The following HOXA10 variants were observed in gnomAD, a reference collection of about 807,000 sequenced individuals.
The protein encoded by HOXA10 is homeobox protein Hox-A10.
HOXA10 carries 12 observed loss-of-function variants against 29.7 expected under a neutral mutation model. That is an observed-to-expected ratio of 0.40 (90% CI 0.26 to 0.65). HOXA10 has a LOEUF of 0.65. Among genes scored for constraint, HOXA10 ranks in the 30% least tolerant of loss-of-function variants. The pLI is 0.37. For synonymous variants in HOXA10, 327 were observed against 280.7 expected (o/e 1.16, Z -1.65); for missense variants, 656 against 585.9 (o/e 1.12, Z -1.24).
Position 27,171,030 on chromosome 7 carries a change from T to C in HOXA10, c.*869A>G. On this transcript the variant is annotated 3_prime_UTR_variant, in exon 2 of 2. Coordinates refer to ENST00000283921, the MANE Select transcript of HOXA10 (RefSeq NM_018951.4). The stretch of plus-strand genomic sequence containing the variant: ...TCACAAGATAGGGAGAATTGTGGTG[T>C]GCTTGTCACATGTTACCAGTGGTAA... The C allele has an allele frequency of 2.2e-6, 1 of 453,352 alleles. No homozygotes were observed. Among genetic ancestry groups the C allele is most frequent in the Non-Finnish European group, 4.4e-6 (1 of 226,584 alleles). The allele number at this position is 453,352 out of a possible 1,614,324, so 28.1% of individuals were successfully genotyped here.
chr7:27,173,227 C>T, intron 1 of HOXA10, 122 bp downstream of exon 1: 1 of 1,482,842 alleles, frequency 6.7e-7, no homozygotes, highest in South Asian at 1.2e-5. Flanking sequence ...ACAAGGTCAG[C>T]CTGCCTGCAG....
At position 27,174,256 on chromosome 7, in the gene HOXA10, T is replaced by G; in HGVS notation, c.51A>C (p.Thr17=). ...CGGCGGGGCTCTCCGAGCATGACAT[T>G]GTTGTGGGATAATTTGGCGAAGGGA... ...YLLPSPNYPT[T]MSCSESPAAN... is the part of the protein sequence containing the mutation. The change falls in exon 1 of 2, where the codon ACA becomes ACC. Residue 17 remains threonine, a synonymous_variant. Coordinates refer to ENST00000283921, the MANE Select transcript of HOXA10 (RefSeq NM_018951.4). 1 of 1,599,434 alleles carries G rather than the reference T, an allele frequency of 6.3e-7. No individual in the cohort carries two copies. The highest frequency in any genetic ancestry group is 8.5e-7 in the Non-Finnish European group (1 of 1,179,796).
In HOXA10 at chr7:27,171,408, T is replaced by C. The variant is rs1783481677; in HGVS notation, c.*491A>G. On this transcript the variant is annotated 3_prime_UTR_variant, in exon 2 of 2. Transcript: ENST00000283921. Reference sequence around the variant, plus strand: ...AAGAAAAAAGAAACCCAGGGGCCTGTATCCCCTGATTAAACACAGCACAGC... The same window carrying C: ...AAGAAAAAAGAAACCCAGGGGCCTGCATCCCCTGATTAAACACAGCACAGC... 1 of 455,124 alleles carries C rather than the reference T, an allele frequency of 2.2e-6. No individual in the cohort carries two copies. Among genetic ancestry groups the C allele is most frequent in the South Asian group, 1.6e-5 (1 of 64,496 alleles). 28.2% of individuals were successfully genotyped at this position (455,124 alleles called of 1,614,324 possible).
At chr7:27,174,610 C>T, upstream of HOXA10, 1 of 464,700 alleles carries the variant, frequency 2.2e-6, no homozygotes, top group Non-Finnish European at 3.8e-6. Context: ...ACGTGAGCCC[C>T]ATACCGGGGT....
intron 1 of HOXA10, chr7:27,179,522 G>A: frequency 4.2e-6 from 3 of 707,344 alleles, no homozygotes; most frequent in Middle Eastern, 2.3e-4. Context: ...GAGCAATGGG[G>A]TGGGGGCTCC....
upstream of HOXA10, among the ~76,000 whole-genome samples, chr7:27,175,487 C>T (rs1268950272): frequency 2.0e-5 from 3 of 152,172 alleles, no homozygotes; most frequent in African/African-American, 7.2e-5. Context: ...TGAGGAAATC[C>T]TTTCCCTGCA....
At chr7:27,175,753 G>T (rs548345802), upstream of HOXA10, among the ~76,000 whole-genome samples, 4 of 152,316 alleles carry the variant, frequency 2.6e-5, no homozygotes, top group African/African-American at 9.6e-5. Flanking sequence ...CCGCCCCTCC[G>T]GCCCCAGTCG....
Position 27,171,366 on chromosome 7 carries a change from C to CAAGGAAGA in HOXA10, c.*525_*532dup. 1 of 454,464 alleles carries CAAGGAAGA rather than the reference C, an allele frequency of 2.2e-6. No homozygotes were observed. Among genetic ancestry groups the CAAGGAAGA allele is most frequent in the Non-Finnish European group, 4.4e-6 (1 of 226,886 alleles). 28.2% of individuals were successfully genotyped at this position (454,464 alleles called of 1,614,324 possible). A position where few individuals can be genotyped will look rare whatever the true frequency, so the allele number is the denominator to read the frequency against. ...CATGCCTGTAAGCCCTTCTCTTGGC[C>CAAGGAAGA]AAGGAAGAAAGGAAGAAAGAAAAAA... On this transcript the variant is annotated 3_prime_UTR_variant, in exon 2 of 2. Coordinates refer to ENST00000283921, the MANE Select transcript of HOXA10 (RefSeq NM_018951.4).
chr7:27,172,158 T>C lies in HOXA10; in HGVS notation c.974A>G (p.Glu325Gly), dbSNP rs535991286. The C allele has an allele frequency of 6.2e-7, 1 of 1,613,842 alleles. No individual in the cohort carries two copies. The highest frequency in any genetic ancestry group is 8.5e-7 in the Non-Finnish European group (1 of 1,179,984). ...EKDSLGNSKG[E>G]NAANWLTAKS... ...TGCCGTGAGCCAGTTGGCTGCGTTT[T>C]CACCTTTGGAATTGCCTGGCATGTA... The change falls in exon 2 of 2, where the codon GAA becomes GGA. Residue 325 changes from glutamate to glycine, a missense_variant. Around this residue, in one of 2 missense-constraint regions of HOXA10, gnomAD observed 594 missense variants for 491.9 expected, o/e 1.21. Transcript: ENST00000283921.
upstream of HOXA10, among the ~76,000 whole-genome samples, chr7:27,178,667 A>G (rs560652535): frequency 9.8e-5 from 15 of 152,366 alleles, no homozygotes; most frequent in African/African-American, 2.9e-4. Flanking sequence ...CCAGCCTTCA[A>G]CAAAGACTAG....
upstream of HOXA10, among the ~76,000 whole-genome samples, chr7:27,175,457 G>A (rs1056327301): frequency 6.6e-6 from 1 of 152,182 alleles, no homozygotes; most frequent in Non-Finnish European, 1.5e-5. Flanking sequence ...TGCAGTGTGT[G>A]CATTTTAACG....
Position 27,173,362 on chromosome 7 carries a change from C to T in HOXA10, c.945G>A (p.Glu315=), listed in dbSNP as rs534606557. 1.2e-6 allele frequency: 2 copies of T among 1,612,150 alleles called. No homozygotes were observed. The highest frequency in any genetic ancestry group is 1.7e-5 in the Admixed American group (1 of 60,006). ...AGCCCTGCTTACCCAGGGAATCCTT[C>T]TCCGGCGAGGCTTTGCTGCTCTCGG... is the stretch of plus-strand genomic sequence containing the variant. ...APSESSKASP[E]KDSLGNSKGE... Residue 315 remains glutamate (E), a synonymous_variant, in exon 1 of 2, where the codon GAG becomes GAA. Transcript: ENST00000283921.
In HOXA10 at chr7:27,171,807, C is replaced by T. The variant is rs1783497376; in HGVS notation, c.*92G>A. On this transcript the variant is annotated 3_prime_UTR_variant, in exon 2 of 2. Transcript: ENST00000283921. ...AGTGTGGGAGGGAGGAACAGGGCTC[C>T]AGCACAGGTGCGAGTTCCTGGGCAG... The T allele has an allele frequency of 2.3e-6, 3 of 1,305,486 alleles. No individual in the cohort carries two copies. The highest frequency in any genetic ancestry group is 1.5e-5 in the African/African-American group (1 of 68,866). 80.9% of individuals were successfully genotyped at this position (1,305,486 alleles called of 1,614,324 possible). A position where few individuals can be genotyped will look rare whatever the true frequency, so the allele number is the denominator to read the frequency against.
At position 27,173,448 on chromosome 7, in the gene HOXA10, GC is replaced by G; in HGVS notation, c.858del (p.Gln287ArgfsTer81). ...GACGCGTGCGCCTCCTCGTCGCCCT[GC>G]GAGCCCCCGCCGCTGCCGCAAGCCA... ...PTLACGSGGG[S>X]QGDEEAHASS... On this transcript the variant is annotated frameshift_variant, in exon 1 of 2. Coordinates refer to ENST00000283921, the MANE Select transcript of HOXA10 (RefSeq NM_018951.4). LOFTEE classifies it high-confidence loss of function. 6.5e-7 allele frequency: 1 copy of G among 1,530,334 alleles called. No individual in the cohort carries two copies. Among genetic ancestry groups the G allele is most frequent in the Non-Finnish European group, 8.8e-7 (1 of 1,141,264 alleles). The allele number at this position is 1,530,334 out of a possible 1,614,324, so 94.8% of individuals were successfully genotyped here.
Position 27,170,810 on chromosome 7 carries a change from G to GT in HOXA10, c.*1088dup, listed in dbSNP as rs397977560. 5 of 341,816 alleles carry GT rather than the reference G, an allele frequency of 1.5e-5. No homozygotes were observed. Among genetic ancestry groups the GT allele is most frequent in the African/African-American group, 1.4e-4 (2 of 14,046 alleles). The allele number at this position is 341,816 out of a possible 1,614,324, so 21.2% of individuals were successfully genotyped here. A position where few individuals can be genotyped will look rare whatever the true frequency, so the allele number is the denominator to read the frequency against. ...ACATTTATACAGATTTGTATTTATA[G>GT]TTTTTTTCTTTTTCTGCATCTACAG... On this transcript the variant is annotated 3_prime_UTR_variant, in exon 2 of 2. Coordinates refer to ENST00000283921, the MANE Select transcript of HOXA10 (RefSeq NM_018951.4).
rs746226210 is a variant in HOXA10, at chr7:27,172,034, G to A, written c.1098C>T (p.Arg366=). ...GGTGGACGCTGCGGCTAATCTCTAGGCGCCGCTCTCGAGTAAGGTACATAT... is the reference window on the plus strand; with the variant it reads ...GGTGGACGCTGCGGCTAATCTCTAGACGCCGCTCTCGAGTAAGGTACATAT... ...LFNMYLTRER[R]LEISRSVHLT... is the part of the protein sequence containing the mutation. The change falls in exon 2 of 2, where the codon CGC becomes CGT. Residue 366 remains arginine (R), a synonymous_variant. Transcript: ENST00000283921. The A allele has an allele frequency of 6.2e-7, 1 of 1,613,966 alleles. No homozygotes were observed. Among genetic ancestry groups the A allele is most frequent in the Non-Finnish European group, 8.5e-7 (1 of 1,179,944 alleles).
upstream of HOXA10, among the ~76,000 whole-genome samples, chr7:27,176,140 A>AAG (rs959938389): frequency 5.3e-5 from 8 of 152,306 alleles, no homozygotes; most frequent in African/African-American, 1.9e-4. Context: ...TGGAGAGAAA[A>AAG]AGAGAGAGAT....
At chr7:27,172,339 G>A (rs994756326) in intron 1 of HOXA10, 166 bp from the exon 2 acceptor site, 17 of 668,284 alleles carry the variant, frequency 2.5e-5, no homozygotes, top group Non-Finnish European at 4.2e-5. Flanking sequence ...TCCTCCAAAA[G>A]TCATGACAAA....
chr7:27,171,612 A>T lies in HOXA10; in HGVS notation c.*287T>A, dbSNP rs1023072550. 38 of 556,594 alleles carry T rather than the reference A, an allele frequency of 6.8e-5. No individual in the cohort carries two copies. The highest frequency in any genetic ancestry group is 6.5e-4 in the African/African-American group (35 of 53,888). The allele number at this position is 556,594 out of a possible 1,614,324, so 34.5% of individuals were successfully genotyped here. Reference sequence around the variant, plus strand: ...AGTGGGACCCCAAGACAGCAAACCCAGCCCAGTCAGGACTTGACACTTAGG... The same window carrying T: ...AGTGGGACCCCAAGACAGCAAACCCTGCCCAGTCAGGACTTGACACTTAGG... On this transcript the variant is annotated 3_prime_UTR_variant, in exon 2 of 2. Transcript: ENST00000283921.
Sources: gnomAD v4.1 joint callset for allele counts (sites outside exome capture counted in the v4.1 genomes callset) on GRCh38, gnomAD v4.1.1 for gene constraint, gnomAD v4.1.1 regional missense constraint, MANE v1.5 for transcripts, NCBI Gene and HGNC (gene_info 2026-07-23, HGNC 2026-07-21) for gene names.